SIPA1L1: variants seen among roughly 807,000 people sequenced by gnomAD.
The protein encoded by SIPA1L1 is signal induced proliferation associated 1 like 1.
In SIPA1L1, 26 loss-of-function variants were observed where a neutral mutation model predicts 162.7. The observed-to-expected ratio is 0.16, with a 90% CI of 0.12 to 0.22. The LOEUF is 0.22. Among genes scored for constraint, SIPA1L1 ranks in the 10% least tolerant of loss-of-function variants. The pLI is 1.00. For missense variants in SIPA1L1, 1,874 were observed against 2,241.0 expected (o/e 0.84, Z 3.31); for synonymous variants, 829 against 837.4 (o/e 0.99, Z 0.17).
At chr14:71,431,364 C>T (rs1294576039) in intron 2 of SIPA1L1, among the ~76,000 whole-genome samples, 1 of 152,078 alleles carries the variant, frequency 6.6e-6, no homozygotes, top group Non-Finnish European at 1.5e-5. Context: ...AGATAACTCA[C>T]AGAAGTAGTT....
At chr14:71,548,761 G>T (rs529282563) in intron 4 of SIPA1L1, among the ~76,000 whole-genome samples, 11 of 151,850 alleles carry the variant, frequency 7.2e-5, no homozygotes, top group Non-Finnish European at 1.5e-4. Context: ...GCTGAGCGCA[G>T]GTGGCACACG....
intron 2 of SIPA1L1, among the ~76,000 whole-genome samples, chr14:71,374,078 T>G (rs2039148552): frequency 6.6e-6 from 1 of 152,174 alleles, no homozygotes; most frequent in South Asian, 2.1e-4. Context: ...TTCGTGTTAC[T>G]GCAGACAGCC....
intron 12 of SIPA1L1, among the ~76,000 whole-genome samples, chr14:71,679,059 A>G (rs1309399755): frequency 1.3e-5 from 2 of 152,170 alleles, no homozygotes; most frequent in African/African-American, 4.8e-5. Context: ...AGGCAGGCCA[A>G]CATTCATATT....
intron 2 of SIPA1L1, among the ~76,000 whole-genome samples, chr14:71,411,607 A>G (rs1040274772): frequency 6.6e-6 from 1 of 152,196 alleles, no homozygotes; most frequent in African/African-American, 2.4e-5. Context: ...GCATTCAGCA[A>G]AGCTTCCCAA....
Position 71,624,182 on chromosome 14 carries a change from G to A in SIPA1L1, c.1764G>A (p.Leu588=), listed in dbSNP as rs1358709453. The part of the protein sequence containing the change: ...VPELNVQCLR[L]AFNTPKVTEQ... Reference sequence around the variant, plus strand: ...AGCTCAATGTCCAGTGCCTGCGGTTGGCCTTCAACACACCCAAGGTCACAG... The same window carrying A: ...AGCTCAATGTCCAGTGCCTGCGGTTAGCCTTCAACACACCCAAGGTCACAG... Residue 588 remains leucine, a synonymous_variant, in exon 7 of 24, where the codon TTG becomes TTA. Coordinates refer to ENST00000381232, the MANE Select transcript of SIPA1L1 (RefSeq NM_001386936.1). 3 of 1,614,138 alleles carry A rather than the reference G, an allele frequency of 1.9e-6. No homozygotes were observed. Among genetic ancestry groups the A allele is most frequent in the Non-Finnish European group, 2.5e-6 (3 of 1,179,998 alleles).
intron 7 of SIPA1L1, among the ~76,000 whole-genome samples, chr14:71,633,155 ATGTTCTGTTC>A (rs71448374): frequency 0.097 from 12,191 of 125,624 alleles, 658 homozygotes; most frequent in East Asian, 0.15. Flanking sequence ...ATGTTATGTT[ATGTTCTGTTC>A]TGTTCTGTTC....
intron 2 of SIPA1L1, among the ~76,000 whole-genome samples, chr14:71,435,167 TTTC>T (rs2044280515): frequency 6.6e-6 from 1 of 152,130 alleles, no homozygotes; most frequent in Non-Finnish European, 1.5e-5. Flanking sequence ...TGTATGTGTT[TTTC>T]TTTTTTCTTT....
chr14:71,528,048 G>A (rs897353972), intron 3 of SIPA1L1, among the ~76,000 whole-genome samples: 2 of 152,022 alleles, frequency 1.3e-5, no homozygotes, highest in Admixed American at 1.3e-4. Context: ...CCATTGTACC[G>A]GCTATTATCT....
chr14:71,702,536 T>G, intron 15 of SIPA1L1, 31 bp downstream of exon 15: 1 of 1,608,618 alleles, frequency 6.2e-7, no homozygotes. Context: ...AGAAGAAAGT[T>G]GCTTTTACAA....
intron 5 of SIPA1L1, among the ~76,000 whole-genome samples, chr14:71,601,073 A>C (rs144330438): frequency 6.6e-6 from 1 of 152,236 alleles, no homozygotes; most frequent in Non-Finnish European, 1.5e-5. Flanking sequence ...ATCTTTTCCG[A>C]TTTAGATGCC....
intron 2 of SIPA1L1, among the ~76,000 whole-genome samples, chr14:71,507,064 C>T (rs901751535): frequency 6.6e-6 from 1 of 152,116 alleles, no homozygotes; most frequent in East Asian, 1.9e-4. Flanking sequence ...AGAGATATTA[C>T]GCTTATTCAC....
chr14:71,632,060 A>G (rs1358616076), intron 7 of SIPA1L1, among the ~76,000 whole-genome samples: 1 of 152,256 alleles, frequency 6.6e-6, no homozygotes, highest in East Asian at 1.9e-4. Context: ...GGAAAATTGA[A>G]CAAAATATTT....
intron 4 of SIPA1L1, among the ~76,000 whole-genome samples, chr14:71,556,721 C>T (rs2056384259): frequency 1.3e-5 from 2 of 152,250 alleles, no homozygotes; most frequent in Non-Finnish European, 2.9e-5. Context: ...TACATGTTCA[C>T]CTCTCCAGAA....
chr14:71,588,821 C>T lies in SIPA1L1; in HGVS notation c.949C>T (p.Arg317Ter), dbSNP rs1446271998. The T allele has an allele frequency of 6.2e-7, 1 of 1,614,070 alleles. No individual in the cohort carries two copies. Among genetic ancestry groups the T allele is most frequent in the Non-Finnish European group, 8.5e-7 (1 of 1,179,980 alleles). The change falls in exon 5 of 24, where the codon CGA becomes TGA. Residue 317 changes from arginine to a stop codon, truncating the protein, a stop_gained. Transcript: ENST00000381232. LOFTEE classifies it high-confidence loss of function. This position sits in a 1 kb window ranked among gnomAD's most constrained non-coding sequence, Gnocchi z 4.3. ...LGKSSDLEDNRSEDSVRPWTC... is the reference protein window; with the variant it reads ...LGKSSDLEDN ...GAAGTCATCAGATCTTGAAGATAACCGATCAGAAGACTCTGTCAGGCCCTG... is the reference window on the plus strand; with the variant it reads ...GAAGTCATCAGATCTTGAAGATAACTGATCAGAAGACTCTGTCAGGCCCTG...
rs529265971 is a variant in SIPA1L1, at chr14:71,496,611, G to A, written c.-464-16132G>A. 6.6e-5 allele frequency among the ~76,000 whole-genome samples: 10 copies of A among 152,312 alleles called. No homozygotes were observed. In the South Asian group the frequency reaches 2.1e-3, roughly 32 times the overall value. ...TTTTCTATAGATGTCAGTTAAGTCA[G>A]TATGGTTAATTATACTGTCTAGTGT... On this transcript the variant is annotated intron_variant, in intron 2 of 23. Transcript: ENST00000381232.
chr14:71,572,222 C>T (rs1204962282), intron 4 of SIPA1L1, among the ~76,000 whole-genome samples: 1 of 152,210 alleles, frequency 6.6e-6, no homozygotes, highest in Non-Finnish European at 1.5e-5. Flanking sequence ...TCTCATAATT[C>T]ACTCACCTCT....
At chr14:71,359,607 T>G (rs2037606686) in intron 2 of SIPA1L1, among the ~76,000 whole-genome samples, 1 of 152,228 alleles carries the variant, frequency 6.6e-6, no homozygotes, top group Admixed American at 6.5e-5. Context: ...CAAAAGCAGC[T>G]GCTTTTTGGG....
chr14:71,552,378 T>C (rs1057366056), intron 4 of SIPA1L1, among the ~76,000 whole-genome samples: 2 of 152,100 alleles, frequency 1.3e-5, no homozygotes, highest in Non-Finnish European at 2.9e-5. Flanking sequence ...ACAAATGTAT[T>C]TTCCCATACC....
At chr14:71,496,377 C>T (rs893712291) in intron 2 of SIPA1L1, among the ~76,000 whole-genome samples, 2 of 151,634 alleles carry the variant, frequency 1.3e-5, no homozygotes, top group African/African-American at 4.8e-5. Flanking sequence ...TTTTCTTTGA[C>T]CCATGGGTTG....
Sources: allele counts gnomAD v4.1 joint callset (sites outside exome capture counted in the v4.1 genomes callset), GRCh38; gene constraint gnomAD v4.1.1; non-coding constraint Gnocchi (gnomAD v3.1); transcripts MANE v1.5; gene names NCBI Gene and HGNC (gene_info 2026-07-23, HGNC 2026-07-21).